Variants in KCNH7 observed in about 807,000 individuals in gnomAD.
KCNH7 encodes voltage-gated inwardly rectifying potassium channel KCNH7.
In KCNH7, 49 loss-of-function variants were observed where a neutral mutation model predicts 120.8. That is an observed-to-expected ratio of 0.41 (90% CI 0.32 to 0.51). The LOEUF (loss-of-function observed/expected upper bound fraction) is 0.51, where lower values mean the gene tolerates loss of function less well. KCNH7 is among the 20% of genes least tolerant of loss of function. The pLI, the probability that KCNH7 is intolerant of heterozygous loss-of-function variation, is 0.38. For missense variants in KCNH7, 1,097 were observed against 1,446.6 expected, an observed-to-expected ratio of 0.76 and a Z score of 3.92; for synonymous variants, 547 against 516.1, an observed-to-expected ratio of 1.06 and a Z score of -0.81.
At chr2:162,837,520 T>C (rs917398256) in intron 1 of KCNH7, among the ~76,000 whole-genome samples, 2 of 152,220 alleles carry the variant, frequency 1.3e-5, no homozygotes, top group African/African-American at 2.4e-5. Flanking sequence ...TCCACATAGA[T>C]TGTGAAGCAG....
At chr2:162,605,556 T>C (rs916877035) in intron 2 of KCNH7, among the ~76,000 whole-genome samples, 2 of 152,106 alleles carry the variant, frequency 1.3e-5, no homozygotes, top group African/African-American at 4.8e-5. Flanking sequence ...GGGAAAGGAA[T>C]ACTGAATGCA....
chr2:162,690,363 T>A (rs1686057566), intron 2 of KCNH7, among the ~76,000 whole-genome samples: 1 of 151,606 alleles, frequency 6.6e-6, no homozygotes, highest in Non-Finnish European at 1.5e-5. Context: ...CCTGCACTTG[T>A]ACCCATGAAC....
chr2:162,742,117 T>A (rs2105412334), intron 2 of KCNH7, among the ~76,000 whole-genome samples: 1 of 152,310 alleles, frequency 6.6e-6, no homozygotes, highest in East Asian at 1.9e-4. Context: ...CTCTAGATAT[T>A]TGCCTTGTTG....
intron 6 of KCNH7, among the ~76,000 whole-genome samples, chr2:162,484,625 C>T (rs1367175087): frequency 6.6e-6 from 1 of 152,100 alleles, no homozygotes; most frequent in African/African-American, 2.4e-5. Context: ...GGATATTTGT[C>T]CCCCTAAAAT....
Position 162,400,171 on chromosome 2 carries a change from C to T in KCNH7, c.2407+18G>A. ...GCTAATAACTGAATCTGTCACCATG[C>T]ACTTCTAAAACACTCACCCAGAATA... On this transcript the variant is annotated intron_variant, in intron 10 of 15. Coordinates refer to ENST00000332142, the MANE Select transcript of KCNH7 (RefSeq NM_033272.4). 1 of 1,609,440 alleles carries T rather than the reference C, an allele frequency of 6.2e-7. No homozygotes were observed. The highest frequency in any genetic ancestry group is 8.5e-7 in the Non-Finnish European group (1 of 1,177,110).
intron 2 of KCNH7, among the ~76,000 whole-genome samples, chr2:162,675,828 TA>T (rs1333402405): frequency 6.6e-6 from 1 of 151,582 alleles, no homozygotes; most frequent in Non-Finnish European, 1.5e-5. Context: ...TTATACATGT[TA>T]ATTATTTTAC....
chr2:162,532,758 A>G (rs1174698220), intron 3 of KCNH7, among the ~76,000 whole-genome samples: 1 of 151,946 alleles, frequency 6.6e-6, no homozygotes, highest in Non-Finnish European at 1.5e-5. Flanking sequence ...AGTAAGAAGT[A>G]TATACACATT....
chr2:162,708,701 C>T (rs1257683137), intron 2 of KCNH7, among the ~76,000 whole-genome samples: 1 of 151,972 alleles, frequency 6.6e-6, no homozygotes, highest in African/African-American at 2.4e-5. Flanking sequence ...AGAATGGTTA[C>T]AAGTAGTGAG....
chr2:162,758,855 C>T (rs1688875991), intron 2 of KCNH7, among the ~76,000 whole-genome samples: 1 of 152,082 alleles, frequency 6.6e-6, no homozygotes, highest in Non-Finnish European at 1.5e-5. Context: ...TTTGAAGTCT[C>T]ATGATTTGCT....
chr2:162,418,423 G>A (rs1687601705), intron 9 of KCNH7, among the ~76,000 whole-genome samples: 1 of 152,148 alleles, frequency 6.6e-6, no homozygotes, highest in Non-Finnish European at 1.5e-5. Context: ...TAAGGGAGAT[G>A]AAAGCTATAC....
intron 2 of KCNH7, among the ~76,000 whole-genome samples, chr2:162,696,626 A>G (rs746302138): frequency 1.3e-5 from 2 of 151,754 alleles, no homozygotes; most frequent in Non-Finnish European, 2.9e-5. Context: ...GGCCTTTTCC[A>G]TAAAAAGATC....
intron 6 of KCNH7, among the ~76,000 whole-genome samples, chr2:162,469,448 G>A (rs952365168): frequency 4.6e-5 from 7 of 152,134 alleles, no homozygotes; most frequent in Non-Finnish European, 1.0e-4. Flanking sequence ...GGAAGCAGGA[G>A]GAATTGACTA....
chr2:162,806,296 T>G (rs2105555347), intron 2 of KCNH7, among the ~76,000 whole-genome samples: 1 of 152,296 alleles, frequency 6.6e-6, no homozygotes, highest in East Asian at 1.9e-4. Context: ...AACTCAATTT[T>G]GGGAATAACA....
intron 6 of KCNH7, among the ~76,000 whole-genome samples, chr2:162,487,245 AC>A (rs1480145014): frequency 6.6e-6 from 1 of 152,202 alleles, no homozygotes; most frequent in Non-Finnish European, 1.5e-5. Context: ...TAAGAAATCT[AC>A]AGAAAGAGAC....
intron 14 of KCNH7, among the ~76,000 whole-genome samples, chr2:162,376,755 G>A (rs1576318522): frequency 6.6e-6 from 1 of 152,118 alleles, no homozygotes; most frequent in Non-Finnish European, 1.5e-5. Context: ...CTTGGAGTCT[G>A]CATTTTAATA....
chr2:162,508,251 A>G (rs1309360567), intron 5 of KCNH7, among the ~76,000 whole-genome samples: 1 of 151,266 alleles, frequency 6.6e-6, no homozygotes, highest in Non-Finnish European at 1.5e-5. Context: ...AGAATTTGCA[A>G]CTTCATTGCA....
chr2:162,432,007 G>A (rs1688086734), intron 8 of KCNH7, among the ~76,000 whole-genome samples: 1 of 151,936 alleles, frequency 6.6e-6, no homozygotes, highest in African/African-American at 2.4e-5. Context: ...ACTGAGTGGT[G>A]AACTGGCTAA....
Position 162,764,134 on chromosome 2 carries a change from G to A in KCNH7, c.307+72403C>T, listed in dbSNP as rs79233761. On this transcript the variant is annotated intron_variant, in intron 2 of 15. Coordinates refer to ENST00000332142, the MANE Select transcript of KCNH7 (RefSeq NM_033272.4). ...AAATATTTCCCAATAGTATATTACTGCAACTGTACGATTCCTTAAGGTTTC... is the reference window on the plus strand; with the variant it reads ...AAATATTTCCCAATAGTATATTACTACAACTGTACGATTCCTTAAGGTTTC... Among the ~76,000 whole-genome samples the A allele has an allele frequency of 4.7e-3, 716 of 152,004 alleles. 6 individuals are homozygous for A. The highest frequency in any genetic ancestry group is 0.016 in the African/African-American group (643 of 41,454).
intron 2 of KCNH7, among the ~76,000 whole-genome samples, chr2:162,754,872 A>G (rs1431419781): frequency 6.6e-6 from 1 of 152,302 alleles, no homozygotes; most frequent in East Asian, 1.9e-4. Context: ...TGCTTAGAAC[A>G]AGAGTCACTT....
Sources: allele counts gnomAD v4.1 joint callset (sites outside exome capture counted in the v4.1 genomes callset), GRCh38; gene constraint gnomAD v4.1.1; transcripts MANE v1.5; gene names NCBI Gene and HGNC (gene_info 2026-07-23, HGNC 2026-07-21).